SORCS2: variants seen among roughly 807,000 people sequenced by gnomAD.
SORCS2 encodes sortilin related VPS10 domain containing receptor 2.
Under a neutral mutation model 141.6 loss-of-function variants are expected in SORCS2, and 100 were observed. The ratio of observed to expected loss-of-function variants is 0.71; its 90% CI spans 0.60 to 0.83. The LOEUF (loss-of-function observed/expected upper bound fraction) is 0.83, where lower values mean the gene tolerates loss of function less well. Among genes scored for constraint, SORCS2 ranks in the 40% least tolerant of loss-of-function variants. The pLI is 0.00. For missense variants in SORCS2, 1,646 were observed against 1,560.2 expected (o/e 1.05, Z -0.93); for synonymous variants, 789 against 676.9 (o/e 1.17, Z -2.57).
chr4:7,712,663 A>G (rs188375049), intron 14 of SORCS2, 70 bp from the exon 15 acceptor site: 5 of 1,597,658 alleles, frequency 3.1e-6, no homozygotes, highest in East Asian at 2.2e-5. Flanking sequence ...CAGAGGGGAC[A>G]TGATTTGCAC....
At position 7,664,342 on chromosome 4, in the gene SORCS2, C is replaced by T; in HGVS notation, c.953-11C>T. 6.2e-7 allele frequency: 1 copy of T among 1,610,412 alleles called. No homozygotes were observed. The highest frequency in any genetic ancestry group is 8.5e-7 in the Non-Finnish European group (1 of 1,177,436). ...AGTCTGACCGCCTGGGTCGGCGCCT[C>T]TCTCCTGTAGATTTTCGGTACGTCA... On this transcript the variant is annotated splice_polypyrimidine_tract_variant and intron_variant, in intron 6 of 26. Transcript: ENST00000507866. This position sits in a 1 kb window ranked among gnomAD's most constrained non-coding sequence, Gnocchi z 4.7.
At chr4:7,672,776 A>G (rs1229653329) in intron 8 of SORCS2, among the ~76,000 whole-genome samples, 1 of 152,202 alleles carries the variant, frequency 6.6e-6, no homozygotes, top group Admixed American at 6.5e-5. Flanking sequence ...CCCAGCTAAA[A>G]GACTGCATTG....
chr4:7,657,571 AACTG>A (rs557464021), intron 5 of SORCS2, among the ~76,000 whole-genome samples: 332 of 151,868 alleles, frequency 2.2e-3, no homozygotes, highest in African/African-American at 6.3e-3. Context: ...GTGAGCAAGT[AACTG>A]ACTGAATGAA....
chr4:7,244,293 GCA>G (rs1712923925), intron 1 of SORCS2, among the ~76,000 whole-genome samples: 1 of 152,314 alleles, frequency 6.6e-6, no homozygotes, highest in Admixed American at 6.5e-5. Flanking sequence ...TCCAGCTCAT[GCA>G]CTCCCCCCGA....
rs1718792477 is a variant in SORCS2, at chr4:7,319,904, TC to T, written c.481-76378del. On this transcript the variant is annotated intron_variant, in intron 1 of 26. Coordinates refer to ENST00000507866, the MANE Select transcript of SORCS2 (RefSeq NM_020777.3). ...GCAGGCTCCTCTAATCCTTAATGAT[TC>T]CCCCCACCCTGCCTCTTTCTTTTAT... Among the ~76,000 whole-genome samples, 6 of 152,292 alleles carry T rather than the reference TC, an allele frequency of 3.9e-5. No homozygotes were observed. The South Asian group carries it at 1.2e-3, about 32-fold the overall frequency.
chr4:7,685,955 C>A (rs1232825077), intron 10 of SORCS2, among the ~76,000 whole-genome samples: 2 of 152,210 alleles, frequency 1.3e-5, no homozygotes, highest in African/African-American at 2.4e-5. Flanking sequence ...TAAGGTATCA[C>A]CAGAATCACA....
chr4:7,252,702 G>A (rs565437858), intron 1 of SORCS2, among the ~76,000 whole-genome samples: 1 of 152,220 alleles, frequency 6.6e-6, no homozygotes, highest in African/African-American at 2.4e-5. Context: ...GGAGGGATTG[G>A]CATTGTGCCG....
chr4:7,420,852 C>G (rs1463825046), intron 2 of SORCS2, among the ~76,000 whole-genome samples: 1 of 152,200 alleles, frequency 6.6e-6, no homozygotes, highest in Non-Finnish European at 1.5e-5. Context: ...ATGCTTGATG[C>G]CACTCAAAGC....
At chr4:7,317,553 C>T (rs3896032) in intron 1 of SORCS2, among the ~76,000 whole-genome samples, 125,446 of 152,186 alleles carry the variant, frequency 0.82, 52,146 homozygotes, top group Non-Finnish European at 0.88. Context: ...TCACAGCCCC[C>T]GCCTCCCTCC....
intron 3 of SORCS2, among the ~76,000 whole-genome samples, chr4:7,632,382 G>A (rs1479335311): frequency 6.6e-6 from 1 of 152,114 alleles, no homozygotes; most frequent in Admixed American, 6.6e-5. Context: ...TTAAAATAGA[G>A]GCTGCTGCCC....
intron 2 of SORCS2, chr4:7,434,287 A>G (rs1433269373): frequency 6.2e-7 from 1 of 1,612,844 alleles, no homozygotes; most frequent in East Asian, 2.2e-5. Context: ...GTTGGACCGG[A>G]CAGCCTCCTG....
At chr4:7,540,716 G>A (rs1323806108) in intron 3 of SORCS2, among the ~76,000 whole-genome samples, 1 of 152,198 alleles carries the variant, frequency 6.6e-6, no homozygotes, top group African/African-American at 2.4e-5. Flanking sequence ...GAGACAGAGT[G>A]GGGAGAACAG....
Position 7,388,259 on chromosome 4 carries a change from C to T in SORCS2, c.481-8029C>T, listed in dbSNP as rs1723604370. Among the ~76,000 whole-genome samples the T allele has an allele frequency of 2.0e-5, 3 of 152,154 alleles. No individual in the cohort carries two copies. In the South Asian group the frequency reaches 6.2e-4, roughly 32 times the overall value. On this transcript the variant is annotated intron_variant, in intron 1 of 26. Transcript: ENST00000507866. ...AGAGCAGCTGCAGTGACTGGGAGGACAAACAAAACCCCAATGACAGACTCA... is the reference window on the plus strand; with the variant it reads ...AGAGCAGCTGCAGTGACTGGGAGGATAAACAAAACCCCAATGACAGACTCA...
intron 2 of SORCS2, among the ~76,000 whole-genome samples, chr4:7,465,647 G>C (rs1729571662): frequency 6.6e-6 from 1 of 152,156 alleles, no homozygotes; most frequent in South Asian, 2.1e-4. Context: ...AGACATTCTA[G>C]AACATGTAGA....
chr4:7,694,723 T>C (rs1463849720), intron 11 of SORCS2, among the ~76,000 whole-genome samples: 1 of 152,166 alleles, frequency 6.6e-6, no homozygotes, highest in Non-Finnish European at 1.5e-5. Context: ...TCAGCAGCCA[T>C]CGCTCAGCAC....
At chr4:7,553,535 T>C (rs748480800) in intron 3 of SORCS2, among the ~76,000 whole-genome samples, 5 of 152,222 alleles carry the variant, frequency 3.3e-5, no homozygotes, top group African/African-American at 4.8e-5. Context: ...CAGAACATCA[T>C]GAACTGTATG....
chr4:7,472,727 C>T (rs559230237), intron 2 of SORCS2, among the ~76,000 whole-genome samples: 62 of 152,260 alleles, frequency 4.1e-4, no homozygotes, highest in Non-Finnish European at 7.1e-4. Context: ...CCCATTAAGA[C>T]GAGGCTCCGC....
intron 1 of SORCS2, among the ~76,000 whole-genome samples, chr4:7,359,417 A>C (rs1350272818): frequency 6.6e-6 from 1 of 152,242 alleles, no homozygotes; most frequent in East Asian, 1.9e-4. Flanking sequence ...TACAGGCATG[A>C]GCCAACGTGC....
In SORCS2 at chr4:7,357,327, C is replaced by T. The variant is rs75600921; in HGVS notation, c.481-38961C>T. On this transcript the variant is annotated intron_variant, in intron 1 of 26. Coordinates refer to ENST00000507866, the MANE Select transcript of SORCS2 (RefSeq NM_020777.3). Reference sequence around the variant, plus strand: ...GACCAGATCGACATGACCAGTGGTTCCTAATCCCAGATGTGAGAATTTGGA... The same window carrying T: ...GACCAGATCGACATGACCAGTGGTTTCTAATCCCAGATGTGAGAATTTGGA... 4.1e-3 allele frequency among the ~76,000 whole-genome samples: 631 copies of T among 152,276 alleles called. 8 individuals are homozygous for T. Among genetic ancestry groups the T allele is most frequent in the African/African-American group, 0.014 (599 of 41,550 alleles).
Sources: gnomAD v4.1 joint callset for allele counts (sites outside exome capture counted in the v4.1 genomes callset) on GRCh38, gnomAD v4.1.1 for gene constraint, Gnocchi (gnomAD v3.1) non-coding constraint, MANE v1.5 for transcripts, NCBI Gene and HGNC (gene_info 2026-07-23, HGNC 2026-07-21) for gene names.